Variants in PTOV1 observed in about 807,000 individuals in gnomAD.
PTOV1 encodes the protein PTOV1 extended AT-hook containing adaptor protein.
Under a neutral mutation model 58.0 loss-of-function variants are expected in PTOV1, and 20 were observed. That is an observed-to-expected ratio of 0.34 (90% CI 0.24 to 0.50). The LOEUF is 0.50. Ranked by LOEUF, PTOV1 falls within the 20% of genes least tolerant of loss-of-function variation. The pLI is 0.98. For missense variants in PTOV1, 593 were observed against 565.4 expected, an observed-to-expected ratio of 1.05 and a Z score of -0.50; for synonymous variants, 335 against 234.2, an observed-to-expected ratio of 1.43 and a Z score of -3.93.
At position 49,858,131 on chromosome 19, in the gene PTOV1, G is replaced by A. The variant is rs746174573; in HGVS notation, c.936+17G>A. Reference sequence around the variant, plus strand: ...CAGCTGCTGGTGAGGGGCTGGGGCCGGGTGCTGGAGCCTGCACGCAGTAGC... The same window carrying A: ...CAGCTGCTGGTGAGGGGCTGGGGCCAGGTGCTGGAGCCTGCACGCAGTAGC... On this transcript the variant is annotated intron_variant, in intron 9 of 11. Transcript: ENST00000391842. The A allele has an allele frequency of 1.7e-5, 27 of 1,610,952 alleles. No individual in the cohort carries two copies. Among genetic ancestry groups the A allele is most frequent in the Non-Finnish European group, 2.1e-5 (25 of 1,179,434 alleles).
intron 10 of PTOV1, 193 bp from the exon 11 acceptor site, chr19:49,859,793 C>T (rs1388006402): frequency 8.0e-6 from 5 of 622,998 alleles, no homozygotes; most frequent in African/African-American, 3.7e-5. Context: ...AGCCTGTTGG[C>T]CTTTGGCCCA....
upstream of PTOV1, chr19:49,851,134 C>A: frequency 7.5e-7 from 1 of 1,326,020 alleles, no homozygotes; most frequent in Non-Finnish European, 9.6e-7. Context: ...GCGCTTGGTA[C>A]GCGCCGGGCT....
intron 6 of PTOV1, chr19:49,857,464 C>G: frequency 3.3e-6 from 2 of 614,884 alleles, no homozygotes; most frequent in Admixed American, 5.8e-5. Context: ...GAGGCAGACT[C>G]TGCAGGTCCT....
chr19:49,857,234 T>A, intron 6 of PTOV1, 104 bp downstream of exon 6: 1 of 1,477,300 alleles, frequency 6.8e-7, no homozygotes, highest in Non-Finnish European at 9.3e-7. Flanking sequence ...ATGCGATGGC[T>A]GGAGCAAGGA....
At chr19:49,858,256 T>A in intron 9 of PTOV1, 142 bp downstream of exon 9, 1 of 1,118,976 alleles carries the variant, frequency 8.9e-7, no homozygotes, top group African/African-American at 1.6e-5. Flanking sequence ...GTGTGGTGGG[T>A]AGCTCCTCAG....
chr19:49,854,729 G>C, exon 3 of PTOV1: 1 of 1,613,406 alleles, frequency 6.2e-7, no homozygotes, highest in East Asian at 2.2e-5. Context: ...ACCAAGGCGA[G>C]AACCTGTGAG....
rs2074558709 is a variant in PTOV1, at chr19:49,858,041, C to T, written c.879-16C>T. Reference sequence around the variant, plus strand: ...GAGCTGGGGCTTCCTGACCCTCGTCCCTTTGTGCCCCACAGGAGGACCGAG... The same window carrying T: ...GAGCTGGGGCTTCCTGACCCTCGTCTCTTTGTGCCCCACAGGAGGACCGAG... On this transcript the variant is annotated splice_polypyrimidine_tract_variant and intron_variant, in intron 8 of 11. Coordinates refer to ENST00000391842, the Ensembl canonical transcript of PTOV1. 3 of 1,614,014 alleles carry T rather than the reference C, an allele frequency of 1.9e-6. No individual in the cohort carries two copies. The East Asian group carries it at 6.7e-5, about 36-fold the overall frequency.
At chr19:49,858,247 TGTG>T in intron 9 of PTOV1, 133 bp downstream of exon 9, 2 of 1,181,982 alleles carry the variant, frequency 1.7e-6, no homozygotes, top group Non-Finnish European at 2.4e-6. Context: ...CTGAAGCAGG[TGTG>T]GTGGGTAGCT....
intron 9 of PTOV1, 94 bp from the exon 10 acceptor site, chr19:49,858,453 TCA>T (rs1317413554): frequency 1.7e-5 from 16 of 956,490 alleles, no homozygotes; most frequent in Middle Eastern, 2.5e-4. Context: ...CAGGGGAGTC[TCA>T]GTTTGGTCCT....
At chr19:49,855,317 C>T in intron 5 of PTOV1, 4 of 546,932 alleles carry the variant, frequency 7.3e-6, no homozygotes, top group South Asian at 6.1e-5. Flanking sequence ...TCGAGGTGGC[C>T]CTGGGGGCGT....
At chr19:49,858,142 C>G in intron 9 of PTOV1, 28 bp downstream of exon 9, 1 of 1,609,088 alleles carries the variant, frequency 6.2e-7, no homozygotes, top group Non-Finnish European at 8.5e-7. Flanking sequence ...GGTGCTGGAG[C>G]CTGCACGCAG....
At chr19:49,851,903 C>T in intron 1 of PTOV1, 1 of 984,278 alleles carries the variant, frequency 1.0e-6, no homozygotes, top group African/African-American at 1.8e-5. Flanking sequence ...GGGGCCCGCG[C>T]TTTGTACCAG....
chr19:49,851,569 C>T, intron 1 of PTOV1, 70 bp downstream of exon 1: 2 of 1,033,148 alleles, frequency 1.9e-6, no homozygotes, highest in Non-Finnish European at 2.4e-6. Context: ...CGGGCTCACG[C>T]CTTTGTCCGC....
At chr19:49,858,261 C>T (rs2074570398) in intron 9 of PTOV1, 147 bp downstream of exon 9, 3 of 1,099,580 alleles carry the variant, frequency 2.7e-6, no homozygotes, top group South Asian at 1.5e-5. Context: ...GTGGGTAGCT[C>T]CTCAGGCTTG....
intron 5 of PTOV1, chr19:49,855,437 C>T: frequency 6.6e-6 from 2 of 305,208 alleles, no homozygotes; most frequent in Non-Finnish European, 1.3e-5. Flanking sequence ...CAAGAGCCAG[C>T]CAGGAGGGAG....
At chr19:49,858,199 T>G (rs1380341390) in intron 9 of PTOV1, 85 bp downstream of exon 9, 3 of 1,481,764 alleles carry the variant, frequency 2.0e-6, no homozygotes, top group African/African-American at 1.4e-5. Context: ...CCTCCCCAGG[T>G]GGCCTGAGCT....
intron 10 of PTOV1, 172 bp downstream of exon 10, chr19:49,858,825 A>C (rs2074602961): frequency 3.3e-6 from 2 of 600,276 alleles, no homozygotes; most frequent in Non-Finnish European, 5.9e-6. Context: ...TCCCCACGGC[A>C]CTGGATGGGG....
chr19:49,851,902 G>C, intron 1 of PTOV1: 9 of 984,554 alleles, frequency 9.1e-6, no homozygotes, highest in Non-Finnish European at 9.6e-6. Context: ...AGGGGCCCGC[G>C]CTTTGTACCA....
chr19:49,851,640 T>G, intron 1 of PTOV1, 141 bp downstream of exon 1: 4 of 1,073,942 alleles, frequency 3.7e-6, no homozygotes, highest in Non-Finnish European at 4.6e-6. Flanking sequence ...CGGGGCCGGG[T>G]TCCCCCGTGG....
Sources: allele counts gnomAD v4.1 joint callset, GRCh38; gene constraint gnomAD v4.1.1; transcripts MANE v1.5; gene names NCBI Gene and HGNC (gene_info 2026-07-23, HGNC 2026-07-21).